The following LRP8 variants were observed in gnomAD, a reference collection of about 807,000 sequenced individuals.
LRP8 encodes the protein low-density lipoprotein receptor-related protein 8.
Under a neutral mutation model 111.6 loss-of-function variants are expected in LRP8, and 46 were observed. The observed-to-expected ratio is 0.41, with a 90% CI of 0.33 to 0.53. The LOEUF (loss-of-function observed/expected upper bound fraction) is 0.53. Ranked by LOEUF, LRP8 falls within the 20% of genes least tolerant of loss-of-function variation. The pLI, the probability that LRP8 is intolerant of heterozygous loss-of-function variation, is 0.20. For synonymous variants in LRP8, 464 were observed against 511.2 expected (o/e 0.91, Z 1.24); for missense variants, 959 against 1,297.4 (o/e 0.74, Z 4.01).
chr1:53,299,356 C>T (rs1200773991), intron 2 of LRP8, among the ~76,000 whole-genome samples: 2 of 152,240 alleles, frequency 1.3e-5, no homozygotes, highest in East Asian at 1.9e-4. Flanking sequence ...TAGTGAAAAA[C>T]GCAAATGCTT....
At chr1:53,326,194 G>A (rs967180964) in intron 2 of LRP8, among the ~76,000 whole-genome samples, 4 of 152,242 alleles carry the variant, frequency 2.6e-5, no homozygotes, top group Non-Finnish European at 5.9e-5. Flanking sequence ...GCTCAAAAAG[G>A]TCTTCACTGT....
At chr1:53,311,806 C>T (rs922086526) in intron 2 of LRP8, among the ~76,000 whole-genome samples, 3 of 152,228 alleles carry the variant, frequency 2.0e-5, no homozygotes, top group Non-Finnish European at 4.4e-5. Context: ...TGTGGCTTCC[C>T]TTCTCCCCAC....
chr1:53,248,896 G>A (rs113611199), intron 18 of LRP8, among the ~76,000 whole-genome samples: 9 of 152,216 alleles, frequency 5.9e-5, no homozygotes, highest in African/African-American at 2.2e-4. Flanking sequence ...TCAGGAGGCA[G>A]GTAGAATGGG....
chr1:53,253,062 A>G (rs903795819), intron 16 of LRP8, among the ~76,000 whole-genome samples: 3 of 152,210 alleles, frequency 2.0e-5, no homozygotes, highest in African/African-American at 4.8e-5. Context: ...AGACAGGTAT[A>G]TAGAGAAAAA....
In LRP8 at chr1:53,257,264, C is replaced by T. The variant is rs1483241354; in HGVS notation, c.2410G>A (p.Ala804Thr). 1.2e-6 allele frequency: 2 copies of T among 1,614,002 alleles called. No homozygotes were observed. Among genetic ancestry groups the T allele is most frequent in the Non-Finnish European group, 1.7e-6 (2 of 1,180,024 alleles). The change falls in exon 15 of 19, where the codon GCA becomes ACA. Residue 804 changes from alanine to threonine, a missense_variant. Physicochemically the swap from Ala to Thr is moderately conservative, Grantham distance 58 (BLOSUM62 0). This residue lies in a region of LRP8 where 819 missense variants were observed against 1,097.6 expected (regional missense o/e 0.75). Coordinates refer to ENST00000306052, the MANE Select transcript of LRP8 (RefSeq NM_004631.5). Reference sequence around the variant, plus strand: ...CAGTGCTGGGAGTGGTTGCTGGTTGCAGGGCTTAGGGTAGACGGGCTGATG... The same window carrying T: ...CAGTGCTGGGAGTGGTTGCTGGTTGTAGGGCTTAGGGTAGACGGGCTGATG... ...PSISPSTLSP[A>T]TSNHSQHYAN...
intron 2 of LRP8, among the ~76,000 whole-genome samples, chr1:53,296,219 A>G (rs1236529592): frequency 6.6e-6 from 1 of 152,224 alleles, no homozygotes; most frequent in African/African-American, 2.4e-5. Context: ...CTTGGGCTCT[A>G]GAGAATGTTC....
intron 9 of LRP8, 144 bp from the exon 10 acceptor site, chr1:53,264,540 T>G: frequency 2.1e-5 from 14 of 672,258 alleles, no homozygotes; most frequent in Non-Finnish European, 3.3e-5. Context: ...ACTCTACACA[T>G]TCCCTGGGGT....
intron 3 of LRP8, among the ~76,000 whole-genome samples, chr1:53,284,550 T>C (rs774923674): frequency 6.6e-6 from 1 of 152,180 alleles, no homozygotes; most frequent in Non-Finnish European, 1.5e-5. Flanking sequence ...CCCTTGGCTG[T>C]ACGCTCCACC....
In LRP8 at chr1:53,285,738, C is replaced by T. The variant is rs575600330; in HGVS notation, c.367+3829G>A. Among the ~76,000 whole-genome samples the T allele has an allele frequency of 5.3e-5, 8 of 152,280 alleles. No homozygotes were observed. In the South Asian group the frequency reaches 6.2e-4, roughly 12 times the overall value. Reference sequence around the variant, plus strand: ...CATTATAAGTCCACATGGTCCACCGCGATGCAGACCCCATCCCAGGACAGC... The same window carrying T: ...CATTATAAGTCCACATGGTCCACCGTGATGCAGACCCCATCCCAGGACAGC... On this transcript the variant is annotated intron_variant, in intron 3 of 18. Coordinates refer to ENST00000306052, the MANE Select transcript of LRP8 (RefSeq NM_004631.5).
At position 53,277,048 on chromosome 1, in the gene LRP8, T is replaced by C. The variant is rs1180847696; in HGVS notation, c.527A>G (p.Asn176Ser). ...LCAPHEFQCG[N>S]RSCLAAVFVC... Reference sequence around the variant, plus strand: ...GAACACGGCGGCCAGGCACGAGCGGTTGCCGCACTGGAACTCGTGCGGGGC... The same window carrying C: ...GAACACGGCGGCCAGGCACGAGCGGCTGCCGCACTGGAACTCGTGCGGGGC... Residue 176 changes from asparagine (N) to serine (S), a missense_variant, in exon 5 of 19, where the codon AAC becomes AGC. By Grantham distance (46) the Asn-to-Ser change is conservative. Coordinates refer to ENST00000306052, the MANE Select transcript of LRP8 (RefSeq NM_004631.5). 3.3e-6 allele frequency: 5 copies of C among 1,523,178 alleles called. No individual in the cohort carries two copies. Among genetic ancestry groups the C allele is most frequent in the Non-Finnish European group, 4.4e-6 (5 of 1,140,580 alleles). The allele number at this position is 1,523,178 out of a possible 1,614,324, so 94.4% of individuals were successfully genotyped here.
intron 2 of LRP8, 109 bp from the exon 3 acceptor site, chr1:53,289,798 C>T: frequency 1.4e-6 from 2 of 1,437,002 alleles, no homozygotes; most frequent in South Asian, 1.3e-5. Context: ...CCTTGCTGAC[C>T]AAGGGCAGAG....
chr1:53,313,473 G>C (rs1204765802), intron 2 of LRP8, among the ~76,000 whole-genome samples: 1 of 152,136 alleles, frequency 6.6e-6, no homozygotes, highest in African/African-American at 2.4e-5. Context: ...CCTGAGGCTT[G>C]TGGACTGCAT....
chr1:53,250,899 G>T lies in LRP8; in HGVS notation c.2504-37C>A. 1 of 1,592,696 alleles carries T rather than the reference G, an allele frequency of 6.3e-7. No homozygotes were observed. Among genetic ancestry groups the T allele is most frequent in the Non-Finnish European group, 8.6e-7 (1 of 1,161,244 alleles). On this transcript the variant is annotated intron_variant, in intron 16 of 18. Coordinates refer to ENST00000306052, the MANE Select transcript of LRP8 (RefSeq NM_004631.5). This position sits in a 1 kb window ranked among gnomAD's most constrained non-coding sequence, Gnocchi z 4.6. Reference sequence around the variant, plus strand: ...ACACAGGACACTGGACCTCCAGCAGGCTCCAACCCACTGCTCAGACATCTG... The same window carrying T: ...ACACAGGACACTGGACCTCCAGCAGTCTCCAACCCACTGCTCAGACATCTG...
Position 53,266,366 on chromosome 1 carries a change from T to A in LRP8, c.1427+107A>T. 8.4e-7 allele frequency: 1 copy of A among 1,187,596 alleles called. No homozygotes were observed. The highest frequency in any genetic ancestry group is 1.2e-6 in the Non-Finnish European group (1 of 826,948). The allele number at this position is 1,187,596 out of a possible 1,614,324, so 73.6% of individuals were successfully genotyped here. Reference sequence around the variant, plus strand: ...CCTGCATCTCTTCCCAAGTCCCAACTCTGTCCTGAGGAGCTCTAGAGGCAG... The same window carrying A: ...CCTGCATCTCTTCCCAAGTCCCAACACTGTCCTGAGGAGCTCTAGAGGCAG... On this transcript the variant is annotated intron_variant, in intron 9 of 18. Transcript: ENST00000306052. This position sits in a 1 kb window ranked among gnomAD's most constrained non-coding sequence, Gnocchi z 5.0.
intron 2 of LRP8, among the ~76,000 whole-genome samples, chr1:53,301,958 C>G (rs569866901): frequency 6.6e-6 from 1 of 152,276 alleles, no homozygotes; most frequent in Non-Finnish European, 1.5e-5. Flanking sequence ...GGTGACGTCA[C>G]TCATCTCCCC....
intron 2 of LRP8, among the ~76,000 whole-genome samples, chr1:53,310,361 C>T (rs1652769750): frequency 6.6e-6 from 1 of 152,206 alleles, no homozygotes; most frequent in Admixed American, 6.5e-5. Flanking sequence ...ACCTCCCACC[C>T]TCCTGACTCA....
chr1:53,321,121 C>T (rs541811381), intron 2 of LRP8, among the ~76,000 whole-genome samples: 7 of 152,338 alleles, frequency 4.6e-5, no homozygotes, highest in Admixed American at 3.3e-4. Flanking sequence ...CTTGAGGAAA[C>T]GACTTTGGAA....
rs954805750 is a variant in LRP8 at position 53,317,786 on chromosome 1, C to T, written c.244+9087G>A. On this transcript the variant is annotated intron_variant, in intron 2 of 18. Coordinates refer to ENST00000306052, the MANE Select transcript of LRP8 (RefSeq NM_004631.5). This position sits in a 1 kb window ranked among gnomAD's most constrained non-coding sequence, Gnocchi z 4.9. ...TGGTGGGCCTCACTCCATTTTTCTCCATCACTGCACTGCATCCGGCCCAAT... is the reference window on the plus strand; with the variant it reads ...TGGTGGGCCTCACTCCATTTTTCTCTATCACTGCACTGCATCCGGCCCAAT... 6.6e-6 allele frequency among the ~76,000 whole-genome samples: 1 copy of T among 152,192 alleles called. No individual in the cohort carries two copies. Among genetic ancestry groups the T allele is most frequent in the African/African-American group, 2.4e-5 (1 of 41,438 alleles).
chr1:53,314,503 T>TGGGGCAGGCTTGCCGTGAAGGTG (rs1553195679), intron 2 of LRP8, among the ~76,000 whole-genome samples: 1 of 152,170 alleles, frequency 6.6e-6, no homozygotes, highest in Non-Finnish European at 1.5e-5. Context: ...GGAAGGGACA[T>TGGGGCAGGCTTGCCGTGAAGGTG]GGGGCAGGCT....
Sources: allele counts gnomAD v4.1 joint callset (sites outside exome capture counted in the v4.1 genomes callset), GRCh38; gene constraint gnomAD v4.1.1; regional missense constraint gnomAD v4.1.1; non-coding constraint Gnocchi (gnomAD v3.1); transcripts MANE v1.5; gene names NCBI Gene and HGNC (gene_info 2026-07-23, HGNC 2026-07-21).